BET1: variants seen among roughly 807,000 people sequenced by gnomAD.
BET1 encodes the protein BET1 homolog.
Under a neutral mutation model 13.9 loss-of-function variants are expected in BET1, and 9 were observed. The ratio of observed to expected loss-of-function variants is 0.65; its 90% CI spans 0.39 to 1.13. BET1 has a LOEUF of 1.13. Among genes scored for constraint, BET1 ranks in the 50% most tolerant of loss-of-function variants. The probability of loss-of-function intolerance (pLI) is 0.01; values close to 1 mark genes in which losing one functional copy is unlikely to be tolerated. For missense variants in BET1, 127 were observed against 133.6 expected, an observed-to-expected ratio of 0.95 and a Z score of 0.24; for synonymous variants, 39 against 47.3, an observed-to-expected ratio of 0.82 and a Z score of 0.72.
In BET1 at chr7:93,999,296, T is replaced by C; in HGVS notation, c.20-2A>G. Reference sequence around the variant, plus strand: ...AGTTGCCAGGAGGTACTCCTTCACCTGCAAGGATCAGAGTCACAAAGGTGG... The same window carrying C: ...AGTTGCCAGGAGGTACTCCTTCACCCGCAAGGATCAGAGTCACAAAGGTGG... On this transcript the variant is annotated splice_acceptor_variant, in intron 1 of 3. Coordinates refer to ENST00000222547, the MANE Select transcript of BET1 (RefSeq NM_005868.6). LOFTEE classifies it high-confidence loss of function. 6.2e-7 allele frequency: 1 copy of C among 1,607,212 alleles called. No homozygotes were observed. Among genetic ancestry groups the C allele is most frequent in the East Asian group, 2.2e-5 (1 of 44,728 alleles).
At chr7:93,965,414 T>C (rs938301731) in exon 7 of BET1, 2 of 152,088 alleles carry the variant, frequency 1.3e-5, no homozygotes, top group Non-Finnish European at 2.9e-5. Context: ...TATTTCTTCG[T>C]TTTTATAATG....
At chr7:93,980,574 C>T (rs1299945392) in intron 4 of BET1, among the ~76,000 whole-genome samples, 1 of 152,044 alleles carries the variant, frequency 6.6e-6, no homozygotes, top group Admixed American at 6.6e-5. Flanking sequence ...AACACACTTC[C>T]ATAATAACTC....
chr7:93,994,274 A>G lies in BET1; in HGVS notation c.313T>C (p.Leu105=). 1 of 1,610,438 alleles carries G rather than the reference A, an allele frequency of 6.2e-7. No homozygotes were observed. The highest frequency in any genetic ancestry group is 2.2e-5 in the East Asian group (1 of 44,822). The part of the protein sequence containing the change: ...KLLCYMMLFS[L]FVFFIIYWII... Reference sequence around the variant, plus strand: ...CAATAAATGATAAAAAAGACAAATAAAGAAAACAGCATCATATAGCACAGC... The same window carrying G: ...CAATAAATGATAAAAAAGACAAATAGAGAAAACAGCATCATATAGCACAGC... The change falls in exon 4 of 4, where the codon TTA becomes CTA. Residue 105 remains leucine (L), a synonymous_variant. Coordinates refer to ENST00000222547, the MANE Select transcript of BET1 (RefSeq NM_005868.6).
intron 1 of BET1, among the ~76,000 whole-genome samples, chr7:94,002,190 G>A (rs1009618708): frequency 6.6e-6 from 1 of 152,074 alleles, no homozygotes; most frequent in Non-Finnish European, 1.5e-5. Flanking sequence ...TTAGATAAAC[G>A]CTACTTTTTT....
downstream of BET1, chr7:93,993,227 A>T (rs992196562): frequency 9.2e-6 from 9 of 978,656 alleles, no homozygotes; most frequent in African/African-American, 1.4e-4. Context: ...AGAATGTAAA[A>T]GAGACTTAAA....
exon 7 of BET1, chr7:93,964,530 G>T (rs983081595): frequency 2.0e-5 from 3 of 151,996 alleles, no homozygotes; most frequent in African/African-American, 7.2e-5. Context: ...GGGCACCCCA[G>T]TTGATTCCAT....
downstream of BET1, chr7:93,991,598 C>T (rs73715580): frequency 6.6e-3 from 1,071 of 162,526 alleles, 12 homozygotes; most frequent in African/African-American, 0.023. Flanking sequence ...TTATTCCTAT[C>T]AGCCTATGAG....
Position 93,963,422 on chromosome 7 carries a change from G to T in BET1, c.*2403C>A, listed in dbSNP as rs199512811. ...TCAGTATACATGCATGCTGAATCTAGTAGTCATTTTTTTTCATAGCACTTA... is the reference window on the plus strand; with the variant it reads ...TCAGTATACATGCATGCTGAATCTATTAGTCATTTTTTTTCATAGCACTTA... On this transcript the variant is annotated 3_prime_UTR_variant and NMD_transcript_variant, in exon 7 of 7. Coordinates refer to the BET1 transcript ENST00000357520. The T allele has an allele frequency of 5.3e-5, 8 of 152,020 alleles. No individual in the cohort carries two copies. The East Asian group carries it at 1.6e-3, about 30-fold the overall frequency. 9.4% of individuals were successfully genotyped at this position (152,020 alleles called of 1,614,324 possible).
intron 4 of BET1, among the ~76,000 whole-genome samples, chr7:93,978,872 G>A (rs774750892): frequency 6.6e-6 from 1 of 152,122 alleles, no homozygotes; most frequent in Non-Finnish European, 1.5e-5. Flanking sequence ...ATGAAGGTTG[G>A]CCAGAGAATA....
At chr7:93,983,075 G>T (rs1294080397) in intron 4 of BET1, among the ~76,000 whole-genome samples, 1 of 152,136 alleles carries the variant, frequency 6.6e-6, no homozygotes, top group African/African-American at 2.4e-5. Flanking sequence ...GAAGACCAGA[G>T]GTGGCCCAGG....
At chr7:93,991,808 G>GTC (rs1562805492), downstream of BET1, 1 of 967,590 alleles carries the variant, frequency 1.0e-6, no homozygotes, top group East Asian at 1.1e-4. Context: ...TTATTCATCA[G>GTC]TATAGAATGA....
At chr7:93,998,023 A>C (rs957722566) in intron 2 of BET1, among the ~76,000 whole-genome samples, 2 of 152,176 alleles carry the variant, frequency 1.3e-5, no homozygotes, top group African/African-American at 4.8e-5. Context: ...GATGTGGATA[A>C]GCAGCACTTC....
chr7:93,989,209 T>G (rs1795583947), downstream of BET1, among the ~76,000 whole-genome samples: 1 of 151,856 alleles, frequency 6.6e-6, no homozygotes, highest in Non-Finnish European at 1.5e-5. Context: ...ACACGGGGTT[T>G]CATCATGTTG....
At chr7:93,994,410 A>G in intron 3 of BET1, 25 bp from the exon 4 acceptor site, 5 of 1,601,462 alleles carry the variant, frequency 3.1e-6, no homozygotes, top group Non-Finnish European at 4.3e-6. Flanking sequence ...GGCAAATAAA[A>G]TATCACAGTT....
At chr7:93,967,221 T>G (rs1795188897) in intron 6 of BET1, among the ~76,000 whole-genome samples, 1 of 151,866 alleles carries the variant, frequency 6.6e-6, no homozygotes. Flanking sequence ...CATCCCACCT[T>G]CATAATCTCT....
downstream of BET1, chr7:93,992,607 C>T (rs951865918): frequency 1.8e-4 from 178 of 985,148 alleles, no homozygotes; most frequent in Non-Finnish European, 2.0e-4. Context: ...GATGAAAATA[C>T]CTACTTGGAG....
At chr7:93,999,511 C>T in intron 1 of BET1, 2 of 521,564 alleles carry the variant, frequency 3.8e-6, no homozygotes, top group East Asian at 4.0e-5. Flanking sequence ...CAGTTCAGTT[C>T]ATTTTGATAC....
At chr7:93,992,094 G>C (rs1424067398), downstream of BET1, 2 of 985,282 alleles carry the variant, frequency 2.0e-6, no homozygotes, top group African/African-American at 3.5e-5. Flanking sequence ...ATGCCAGTGT[G>C]TCCAGAGGAG....
At chr7:93,993,064 T>C (rs955995193), downstream of BET1, 2 of 980,790 alleles carry the variant, frequency 2.0e-6, no homozygotes, top group South Asian at 4.7e-5. Context: ...AGAAAATACA[T>C]TCATAACCCA....
Sources: allele counts gnomAD v4.1 joint callset (sites outside exome capture counted in the v4.1 genomes callset), GRCh38; gene constraint gnomAD v4.1.1; transcripts MANE v1.5; gene names NCBI Gene and HGNC (gene_info 2026-07-23, HGNC 2026-07-21).